MAN2B2: variants seen among roughly 807,000 people sequenced by gnomAD.
The protein encoded by MAN2B2 is mannosidase alpha class 2B member 2, also known as epididymis-specific alpha-mannosidase.
MAN2B2 carries 106 observed loss-of-function variants against 117.1 expected under a neutral mutation model. The ratio of observed to expected loss-of-function variants is 0.90; its 90% confidence interval spans 0.77 to 1.06. The LOEUF (loss-of-function observed/expected upper bound fraction) is 1.06, where lower values mean the gene tolerates loss of function less well. Ranked by LOEUF, MAN2B2 falls within the 50% of genes least tolerant of loss-of-function variation. The probability of loss-of-function intolerance (pLI) is 0.00; values close to 1 mark genes in which losing one functional copy is unlikely to be tolerated. For missense variants in MAN2B2, 1,326 were observed against 1,381.4 expected (o/e 0.96, Z 0.64); for synonymous variants, 544 against 595.1 (o/e 0.91, Z 1.25).
chr4:6,595,918 A>G (rs1235245757), intron 7 of MAN2B2, among the ~76,000 whole-genome samples: 1 of 152,054 alleles, frequency 6.6e-6, no homozygotes, highest in Non-Finnish European at 1.5e-5. Context: ...TGCTGTTGAC[A>G]CCACATTGGA....
chr4:6,584,042 C>T (rs868539491), intron 3 of MAN2B2, among the ~76,000 whole-genome samples: 1 of 152,244 alleles, frequency 6.6e-6, no homozygotes, highest in Non-Finnish European at 1.5e-5. Flanking sequence ...ATTCAATTAA[C>T]ATGTTAGTGC....
chr4:6,603,987 A>C (rs1017774928), intron 10 of MAN2B2, among the ~76,000 whole-genome samples: 4 of 152,176 alleles, frequency 2.6e-5, no homozygotes, highest in African/African-American at 9.7e-5. Flanking sequence ...CAAATCAGAC[A>C]CCTTGGAGGT....
intron 16 of MAN2B2, among the ~76,000 whole-genome samples, chr4:6,616,306 G>A (rs1011665682): frequency 2.6e-5 from 4 of 152,030 alleles, no homozygotes; most frequent in African/African-American, 9.7e-5. Flanking sequence ...GGGAGCAATG[G>A]CAATGAGCCT....
Position 6,609,850 on chromosome 4 carries a change from G to T in MAN2B2, c.2059G>T (p.Val687Leu), listed in dbSNP as rs752839231. The change falls in exon 13 of 19, where the codon GTG becomes TTG. Residue 687 changes from valine (V) to leucine (L), a missense_variant. Val to Leu is a conservative substitution (Grantham distance 32). Coordinates refer to ENST00000285599, the MANE Select transcript of MAN2B2 (RefSeq NM_015274.3). ...TYAIRSRLTH[V>L]PQGHDGELLC... ...TGCAATCCGCTCCCGGCTCACCCATGTGCCGCAGGGCCATGACGGGGAGCT... is the reference window on the plus strand; with the variant it reads ...TGCAATCCGCTCCCGGCTCACCCATTTGCCGCAGGGCCATGACGGGGAGCT... 2 of 1,614,014 alleles carry T rather than the reference G, an allele frequency of 1.2e-6. No individual in the cohort carries two copies. The highest frequency in any genetic ancestry group is 1.7e-6 in the Non-Finnish European group (2 of 1,180,052).
chr4:6,598,371 A>AG lies in MAN2B2; in HGVS notation c.1405+20dup. 6.2e-7 allele frequency: 1 copy of AG among 1,605,312 alleles called. No homozygotes were observed. Among genetic ancestry groups the AG allele is most frequent in the Non-Finnish European group, 8.5e-7 (1 of 1,174,480 alleles). On this transcript the variant is annotated intron_variant, in intron 9 of 18. Coordinates refer to ENST00000285599, the MANE Select transcript of MAN2B2 (RefSeq NM_015274.3). ...CCAGCTCCGGTGAGCAGGGCCCTGCAGGGAGGCTGTGGCCCCTTTATGAAG... is the reference window on the plus strand; with the variant it reads ...CCAGCTCCGGTGAGCAGGGCCCTGCAGGGGAGGCTGTGGCCCCTTTATGAAG...
Position 6,598,265 on chromosome 4 carries a change from T to C in MAN2B2, c.1316T>C (p.Leu439Pro), listed in dbSNP as rs1247802522. The change falls in exon 9 of 19, where the codon CTG becomes CCG. Residue 439 changes from leucine to proline, a missense_variant. By Grantham distance (98) the Leu-to-Pro change is moderately conservative. Coordinates refer to ENST00000285599, the MANE Select transcript of MAN2B2 (RefSeq NM_015274.3). ...GTGAGAGACATGTACGCAACGCACC[T>C]GGCCTCGGGGATGCTGGGCATGCGC... Reference protein sequence around the residue: ...PKVRDMYATHLASGMLGMRKL... With the variant: ...PKVRDMYATHPASGMLGMRKL... 2.5e-6 allele frequency: 4 copies of C among 1,613,760 alleles called. No homozygotes were observed.
intron 8 of MAN2B2, 97 bp downstream of exon 8, chr4:6,597,400 T>G: frequency 4.7e-6 from 6 of 1,265,914 alleles, no homozygotes; most frequent in Middle Eastern, 2.9e-4. Context: ...CCTGGGGCAC[T>G]AGAGGCCCCA....
In MAN2B2 at chr4:6,617,921, G is replaced by C. The variant is rs1711977604; in HGVS notation, c.2814+429G>C. 4 of 180,250 alleles carry C rather than the reference G, an allele frequency of 2.2e-5. No homozygotes were observed. The South Asian group carries it at 4.3e-4, about 19-fold the overall frequency. The allele number at this position is 180,250 out of a possible 1,614,324, so 11.2% of individuals were successfully genotyped here. On this transcript the variant is annotated intron_variant, in intron 17 of 18. Transcript: ENST00000285599. ...GGAGTGCAATGGTGCGCTCTCAGCTGGCTGCAACCTCCATCTCCCAGGTTC... is the reference window on the plus strand; with the variant it reads ...GGAGTGCAATGGTGCGCTCTCAGCTCGCTGCAACCTCCATCTCCCAGGTTC...
chr4:6,593,217 C>G lies in MAN2B2; in HGVS notation c.725C>G (p.Pro242Arg). Residue 242 changes from proline to arginine, a missense_variant, in exon 6 of 19, where the codon CCC (proline) becomes CGC (arginine). Transcript: ENST00000285599. Reference protein sequence around the residue: ...WNGVAVFPKPPQDGVYPNMSE... With the variant: ...WNGVAVFPKPRQDGVYPNMSE... ...GGCGTGGCTGTCTTCCCCAAGCCTC[C>G]CCAAGATGGGGTGTACCCCAACATG... 6.2e-7 allele frequency: 1 copy of G among 1,613,778 alleles called. No homozygotes were observed. The highest frequency in any genetic ancestry group is 8.5e-7 in the Non-Finnish European group (1 of 1,179,824).
chr4:6,588,032 T>C (rs1308025059), intron 4 of MAN2B2, among the ~76,000 whole-genome samples: 1 of 152,192 alleles, frequency 6.6e-6, no homozygotes, highest in Non-Finnish European at 1.5e-5. Flanking sequence ...GTGCTGGTAT[T>C]ACAGGCGGGA....
rs1396228198 is a variant in MAN2B2, at chr4:6,587,113, C to T, written c.509C>T (p.Ala170Val). ...CTATTTGCGCTGGCGGGCTTCAATG[C>T]CCACCTCGGCTCCCGGATCGACTAC... ...PTLFALAGFN[A>V]HLGSRIDYDL... The change falls in exon 4 of 19, where the codon GCC (alanine) becomes GTC (valine). Residue 170 changes from alanine to valine, a missense_variant. Transcript: ENST00000285599. 2.5e-6 allele frequency: 4 copies of T among 1,613,892 alleles called. No homozygotes were observed. Among genetic ancestry groups the T allele is most frequent in the Admixed American group, 3.3e-5 (2 of 60,016 alleles).
At chr4:6,585,792 G>T (rs116823326) in intron 3 of MAN2B2, among the ~76,000 whole-genome samples, 2 of 152,112 alleles carry the variant, frequency 1.3e-5, no homozygotes, top group Non-Finnish European at 2.9e-5. Flanking sequence ...TGGCTCTCGC[G>T]GCTGTGAGAG....
intron 17 of MAN2B2, chr4:6,617,847 G>GTTT (rs56063851): frequency 0.054 from 8,737 of 162,952 alleles, 70 homozygotes; most frequent in South Asian, 0.12. Context: ...CGATGGCTAA[G>GTTT]TTTTTTTTTT....
chr4:6,617,287 T>G, intron 16 of MAN2B2, 93 bp from the exon 17 acceptor site: 1 of 904,460 alleles, frequency 1.1e-6, no homozygotes, highest in East Asian at 2.5e-5. Flanking sequence ...AGATAGGAAA[T>G]GGAGCTGAGT....
At chr4:6,611,940 G>A (rs1049470302) in intron 15 of MAN2B2, among the ~76,000 whole-genome samples, 1 of 152,178 alleles carries the variant, frequency 6.6e-6, no homozygotes, top group African/African-American at 2.4e-5. Flanking sequence ...ATGTAGTTCT[G>A]TGTCTCTATA....
At chr4:6,577,967 C>G (rs917687057) in intron 2 of MAN2B2, among the ~76,000 whole-genome samples, 2 of 152,192 alleles carry the variant, frequency 1.3e-5, no homozygotes, top group Non-Finnish European at 2.9e-5. Flanking sequence ...AGCCTATAAA[C>G]AGCTGTGTGT....
In MAN2B2 at chr4:6,594,534, G is replaced by T; in HGVS notation, c.859G>T (p.Gly287Ter). The T allele has an allele frequency of 6.2e-7, 1 of 1,612,620 alleles. No homozygotes were observed. Among genetic ancestry groups the T allele is most frequent in the Non-Finnish European group, 8.5e-7 (1 of 1,180,012 alleles). ...GGATGTTGCTCCCATGTCCCTGCAG[G>T]GATGTGACAAGCAGTTCTTCAATGC... ...FRTPHVLWPWGCDKQFFNASV... is the reference protein window; with the variant it reads ...FRTPHVLWPW Residue 287 changes from glycine (G) to a stop codon, truncating the protein, a stop_gained and splice_region_variant, in exon 7 of 19, where the codon GGA becomes TGA. Coordinates refer to ENST00000285599, the MANE Select transcript of MAN2B2 (RefSeq NM_015274.3). LOFTEE classifies it high-confidence loss of function.
In MAN2B2 at chr4:6,599,694, C is replaced by G. The variant is rs113062749; in HGVS notation, c.1406-929C>G. 6.9e-3 allele frequency among the ~76,000 whole-genome samples: 1,048 copies of G among 150,900 alleles called. 19 individuals are homozygous for G. The highest frequency in any genetic ancestry group is 0.023 in the African/African-American group (943 of 41,176). On this transcript the variant is annotated intron_variant, in intron 9 of 18. Transcript: ENST00000285599. ...AAAAAAAAAAAAAAAGTTCTGGGAT[C>G]ACAGGCAAGAGCCACCATGCCTGGC...
chr4:6,576,869 T>C, intron 2 of MAN2B2, 145 bp downstream of exon 2: 2 of 836,706 alleles, frequency 2.4e-6, no homozygotes, highest in Non-Finnish European at 3.7e-6. Context: ...TTCACAGCCT[T>C]GTTTAGATCA....
Sources: allele counts gnomAD v4.1 joint callset (sites outside exome capture counted in the v4.1 genomes callset), GRCh38; gene constraint gnomAD v4.1.1; transcripts MANE v1.5; gene names NCBI Gene and HGNC (gene_info 2026-07-23, HGNC 2026-07-21).